The following KIRREL3 variants were observed in gnomAD, a reference collection of about 807,000 sequenced individuals.
KIRREL3 encodes kin of IRRE-like protein 3.
KIRREL3 carries 36 observed loss-of-function variants against 89.7 expected under a neutral mutation model. That is an observed-to-expected ratio of 0.40 (90% CI 0.31 to 0.53). The LOEUF is 0.53. Among genes scored for constraint, KIRREL3 ranks in the 20% least tolerant of loss-of-function variants. KIRREL3 has a pLI of 0.49. For missense variants in KIRREL3, 864 were observed against 1,056.6 expected (o/e 0.82, Z 2.53); for synonymous variants, 445 against 441.4 (o/e 1.01, Z -0.10).
intron 1 of KIRREL3, among the ~76,000 whole-genome samples, chr11:126,781,643 T>C (rs1162098612): frequency 6.6e-6 from 1 of 152,192 alleles, no homozygotes; most frequent in Non-Finnish European, 1.5e-5. Context: ...ATTTATTCTC[T>C]TACAGCAGCA....
At chr11:126,749,767 A>G (rs576790045) in intron 1 of KIRREL3, among the ~76,000 whole-genome samples, 1 of 152,278 alleles carries the variant, frequency 6.6e-6, no homozygotes, top group South Asian at 2.1e-4. Flanking sequence ...GACTGCTGTG[A>G]TCATTTTCAT....
chr11:126,658,814 C>T (rs920336245), intron 1 of KIRREL3, among the ~76,000 whole-genome samples: 85 of 152,176 alleles, frequency 5.6e-4, no homozygotes, highest in African/African-American at 1.9e-3. Context: ...AAAGTAGAGT[C>T]CTTTATGTAA....
rs1160474405 is a variant in KIRREL3, at chr11:126,544,486, C to T, written c.134-17799G>A. Reference sequence around the variant, plus strand: ...GAGTTGGCTGGCAGACTGCTTCCTTCCCTTGATTTATTGCAGGATGATAGG... The same window carrying T: ...GAGTTGGCTGGCAGACTGCTTCCTTTCCTTGATTTATTGCAGGATGATAGG... On this transcript the variant is annotated intron_variant, in intron 2 of 16. Transcript: ENST00000525144. This position sits in a 1 kb window ranked among gnomAD's most constrained non-coding sequence, Gnocchi z 5.6. 6.6e-6 allele frequency among the ~76,000 whole-genome samples: 1 copy of T among 152,112 alleles called. No homozygotes were observed. The highest frequency in any genetic ancestry group is 2.4e-5 in the African/African-American group (1 of 41,412).
intron 1 of KIRREL3, among the ~76,000 whole-genome samples, chr11:126,885,573 T>A (rs1303650754): frequency 6.6e-6 from 1 of 152,236 alleles, no homozygotes; most frequent in Non-Finnish European, 1.5e-5. Context: ...TCATCATCGT[T>A]ATCATCATCA....
rs1273915281 is a variant in KIRREL3 at position 126,513,564 on chromosome 11, G to A, written c.433+7751C>T. On this transcript the variant is annotated intron_variant, in intron 4 of 16. Transcript: ENST00000525144. This position sits in a 1 kb window ranked among gnomAD's most constrained non-coding sequence, Gnocchi z 5.9. ...AAGTCGTTTAATGCTTGAGTGTCCTGCCCCCACCTCATTTCCCAACATGAG... is the reference window on the plus strand; with the variant it reads ...AAGTCGTTTAATGCTTGAGTGTCCTACCCCCACCTCATTTCCCAACATGAG... 6.6e-6 allele frequency among the ~76,000 whole-genome samples: 1 copy of A among 152,168 alleles called. No homozygotes were observed. Among genetic ancestry groups the A allele is most frequent in the Non-Finnish European group, 1.5e-5 (1 of 68,034 alleles).
At chr11:126,939,025 T>TGAGCC (rs1180229727) in intron 1 of KIRREL3, among the ~76,000 whole-genome samples, 23 of 152,198 alleles carry the variant, frequency 1.5e-4, no homozygotes, top group African/African-American at 5.5e-4. Flanking sequence ...AGCTCCTAGC[T>TGAGCC]GAGCCCCGCC....
In KIRREL3 at chr11:126,970,187, A is replaced by T. The variant is rs1377985139; in HGVS notation, c.55+30268T>A. The stretch of plus-strand genomic sequence containing the variant: ...TTCTTCTTTCAGTTTTTCGCTCTTC[A>T]CAGCTCAGTTAATTCCACTTAAGAC... On this transcript the variant is annotated intron_variant, in intron 1 of 16. Coordinates refer to ENST00000525144, the MANE Select transcript of KIRREL3 (RefSeq NM_032531.4). This position sits in a 1 kb window ranked among gnomAD's most constrained non-coding sequence, Gnocchi z 4.4. Among the ~76,000 whole-genome samples, 1 of 152,180 alleles carries T rather than the reference A, an allele frequency of 6.6e-6. No individual in the cohort carries two copies. The highest frequency in any genetic ancestry group is 2.1e-4 in the South Asian group (1 of 4,830).
rs1227179001 is a variant in KIRREL3 at position 126,897,163 on chromosome 11, G to A, written c.55+103292C>T. Among the ~76,000 whole-genome samples the A allele has an allele frequency of 2.0e-5, 3 of 152,134 alleles. No homozygotes were observed. The highest frequency in any genetic ancestry group is 2.9e-5 in the Non-Finnish European group (2 of 68,028). On this transcript the variant is annotated intron_variant, in intron 1 of 16. Transcript: ENST00000525144. This position sits in a 1 kb window ranked among gnomAD's most constrained non-coding sequence, Gnocchi z 4.2. ...AAACCCTTCTGGTCACCCTGGGTCA[G>A]AGGAGCACAGGTGGTCCCATGGGGA...
intron 1 of KIRREL3, among the ~76,000 whole-genome samples, chr11:126,836,790 C>G (rs550415771): frequency 6.6e-6 from 1 of 152,298 alleles, no homozygotes; most frequent in Admixed American, 6.5e-5. Flanking sequence ...TGACATAGGG[C>G]TGCATCCTCC....
intron 1 of KIRREL3, among the ~76,000 whole-genome samples, chr11:126,746,960 G>C (rs183886566): frequency 4.6e-5 from 7 of 152,330 alleles, no homozygotes; most frequent in African/African-American, 1.7e-4. Context: ...GTGTCTCTCT[G>C]CTTTTAGTGT....
In KIRREL3 at chr11:126,906,465, C is replaced by G. The variant is rs1408452098; in HGVS notation, c.55+93990G>C. Among the ~76,000 whole-genome samples, 1 of 152,184 alleles carries G rather than the reference C, an allele frequency of 6.6e-6. No homozygotes were observed. The highest frequency in any genetic ancestry group is 6.5e-5 in the Admixed American group (1 of 15,286). Reference sequence around the variant, plus strand: ...CCAAAGAGACATGTTACAGCCCCTACCAGATGGCAAGAACCTTGAACCTTA... The same window carrying G: ...CCAAAGAGACATGTTACAGCCCCTAGCAGATGGCAAGAACCTTGAACCTTA... On this transcript the variant is annotated intron_variant, in intron 1 of 16. Transcript: ENST00000525144. The surrounding 1 kb of genome is among the most constrained non-coding windows in gnomAD (Gnocchi z 4.1).
At position 126,571,011 on chromosome 11, in the gene KIRREL3, C is replaced by A. The variant is rs538492374; in HGVS notation, c.56-8099G>T. 4.6e-5 allele frequency among the ~76,000 whole-genome samples: 7 copies of A among 152,272 alleles called. No individual in the cohort carries two copies. Among genetic ancestry groups the A allele is most frequent in the Admixed American group, 3.9e-4 (6 of 15,282 alleles). The stretch of plus-strand genomic sequence containing the variant: ...GTTGTTATTTAGCGAGAGATTGACA[C>A]TTTAGAGGAGTGAGGAGTTTGTCCT... On this transcript the variant is annotated intron_variant, in intron 1 of 16. Transcript: ENST00000525144. The surrounding 1 kb of genome is among the most constrained non-coding windows in gnomAD (Gnocchi z 7.7).
In KIRREL3 at chr11:126,766,450, G is replaced by C. The variant is rs1278374602; in HGVS notation, c.56-203538C>G. Among the ~76,000 whole-genome samples the C allele has an allele frequency of 6.6e-6, 1 of 152,074 alleles. No homozygotes were observed. Among genetic ancestry groups the C allele is most frequent in the Admixed American group, 6.6e-5 (1 of 15,264 alleles). ...CTCTCTTTTCTCCTCCCTAGGTATG[G>C]CATTGTCCCTTTTCTTTCTCTTTTA... is the stretch of plus-strand genomic sequence containing the variant. On this transcript the variant is annotated intron_variant, in intron 1 of 16. Transcript: ENST00000525144. This position sits in a 1 kb window ranked among gnomAD's most constrained non-coding sequence, Gnocchi z 4.2.
intron 1 of KIRREL3, among the ~76,000 whole-genome samples, chr11:126,582,633 G>A (rs999661812): frequency 5.3e-5 from 8 of 152,192 alleles, no homozygotes; most frequent in Admixed American, 2.0e-4. Context: ...TGAGAACTGA[G>A]TTCAGAAGAC....
At chr11:126,956,997 G>A (rs1362038430) in intron 1 of KIRREL3, among the ~76,000 whole-genome samples, 2 of 152,150 alleles carry the variant, frequency 1.3e-5, no homozygotes, top group Non-Finnish European at 2.9e-5. Context: ...ACATGCACGC[G>A]ATCTGATTCT....
In KIRREL3 at chr11:126,579,056, G is replaced by C. The variant is rs1186151426; in HGVS notation, c.56-16144C>G. ...CGATCAAACCCAAAGCCCGTGCTCTGTCCGTGTGCTGCCTCCGAGAAGCCA... is the reference window on the plus strand; with the variant it reads ...CGATCAAACCCAAAGCCCGTGCTCTCTCCGTGTGCTGCCTCCGAGAAGCCA... On this transcript the variant is annotated intron_variant, in intron 1 of 16. Coordinates refer to ENST00000525144, the MANE Select transcript of KIRREL3 (RefSeq NM_032531.4). This position sits in a 1 kb window ranked among gnomAD's most constrained non-coding sequence, Gnocchi z 5.3. Among the ~76,000 whole-genome samples, 2 of 152,070 alleles carry C rather than the reference G, an allele frequency of 1.3e-5. No homozygotes were observed. Among genetic ancestry groups the C allele is most frequent in the Non-Finnish European group, 2.9e-5 (2 of 68,024 alleles).
chr11:126,555,522 G>A lies in KIRREL3; in HGVS notation c.133+7313C>T, dbSNP rs1430251811. 2.0e-5 allele frequency among the ~76,000 whole-genome samples: 3 copies of A among 152,086 alleles called. No individual in the cohort carries two copies. Among genetic ancestry groups the A allele is most frequent in the South Asian group, 2.1e-4 (1 of 4,818 alleles). On this transcript the variant is annotated intron_variant, in intron 2 of 16. Transcript: ENST00000525144. The surrounding 1 kb of genome is among the most constrained non-coding windows in gnomAD (Gnocchi z 4.2). ...TTGAGCTGTGATTTGAAGGATGAGC[G>A]GGAATTACCAGGTGAAGGGTTTGGG... is the stretch of plus-strand genomic sequence containing the variant.
In KIRREL3 at chr11:126,669,098, T is replaced by A. The variant is rs1310783222; in HGVS notation, c.56-106186A>T. Among the ~76,000 whole-genome samples the A allele has an allele frequency of 6.6e-6, 1 of 152,184 alleles. No homozygotes were observed. Among genetic ancestry groups the A allele is most frequent in the African/African-American group, 2.4e-5 (1 of 41,446 alleles). ...GCAAGTATGGAGCTAATCAAAGGAT[T>A]TCTGGCTCCCAACTTGTCTGCTCTT... On this transcript the variant is annotated intron_variant, in intron 1 of 16. Transcript: ENST00000525144. This position sits in a 1 kb window ranked among gnomAD's most constrained non-coding sequence, Gnocchi z 5.0.
Position 126,431,671 on chromosome 11 carries a change from G to T in KIRREL3, c.1589-145C>A. 1 of 791,038 alleles carries T rather than the reference G, an allele frequency of 1.3e-6. No homozygotes were observed. Among genetic ancestry groups the T allele is most frequent in the Non-Finnish European group, 2.0e-6 (1 of 491,194 alleles). The allele number at this position is 791,038 out of a possible 1,614,324, so 49.0% of individuals were successfully genotyped here. ...CTCAGTGGGGCCTGGGCAGGCACAG[G>T]CCGAGTCCAACTGGGGTCAGCTCTA... On this transcript the variant is annotated intron_variant, in intron 13 of 16. Transcript: ENST00000525144. The surrounding 1 kb of genome is among the most constrained non-coding windows in gnomAD (Gnocchi z 7.1).
Sources: gnomAD v4.1 joint callset for allele counts (sites outside exome capture counted in the v4.1 genomes callset) on GRCh38, gnomAD v4.1.1 for gene constraint, Gnocchi (gnomAD v3.1) non-coding constraint, MANE v1.5 for transcripts, NCBI Gene and HGNC (gene_info 2026-07-23, HGNC 2026-07-21) for gene names.